COX10: variants seen among roughly 807,000 people sequenced by gnomAD.
COX10 encodes the protein protoheme IX farnesyltransferase, mitochondrial.
COX10 carries 27 observed loss-of-function variants against 37.3 expected under a neutral mutation model. The ratio of observed to expected loss-of-function variants is 0.72; its 90% CI spans 0.53 to 1.00. The LOEUF (loss-of-function observed/expected upper bound fraction) is 1.00. COX10 is among the 50% of genes least tolerant of loss of function. The probability of loss-of-function intolerance (pLI) is 0.00; values close to 1 mark genes in which losing one functional copy is unlikely to be tolerated. For synonymous variants in COX10, 222 were observed against 229.1 expected (o/e 0.97, Z 0.28); for missense variants, 475 against 563.2 (o/e 0.84, Z 1.59).
chr17:14,127,936 TG>T (rs1383150888), intron 4 of COX10, among the ~76,000 whole-genome samples: 6 of 144,376 alleles, frequency 4.2e-5, no homozygotes, highest in African/African-American at 1.7e-4. Context: ...TATGTGTGTG[TG>T]TGTGTGTGTG....
At chr17:14,203,666 C>T (rs76683048) in intron 6 of COX10, among the ~76,000 whole-genome samples, 1 of 152,310 alleles carries the variant, frequency 6.6e-6, no homozygotes, top group African/African-American at 2.4e-5. Flanking sequence ...TGCTCACTGT[C>T]ATTTGCACAA....
At chr17:14,181,077 G>A (rs1211081707) in intron 5 of COX10, among the ~76,000 whole-genome samples, 2 of 152,014 alleles carry the variant, frequency 1.3e-5, no homozygotes, top group Non-Finnish European at 2.9e-5. Context: ...CCATGTGGAG[G>A]GGCTCAGGAA....
intron 4 of COX10, among the ~76,000 whole-genome samples, chr17:14,147,794 A>T (rs1298389843): frequency 7.9e-6 from 1 of 125,926 alleles, no homozygotes; most frequent in Non-Finnish European, 1.7e-5. Flanking sequence ...AATTTAAAAA[A>T]AATTTTTAAG....
chr17:14,139,795 T>A (rs1303780783), intron 4 of COX10, among the ~76,000 whole-genome samples: 17 of 152,168 alleles, frequency 1.1e-4, no homozygotes, highest in Non-Finnish European at 5.9e-5. Context: ...CCTGTCTTGC[T>A]GTACTAGATG....
At chr17:14,165,384 A>G (rs80183408) in intron 5 of COX10, among the ~76,000 whole-genome samples, 3,690 of 152,094 alleles carry the variant, frequency 0.024, 123 homozygotes, top group African/African-American at 0.075. Context: ...AAGCTTTTTT[A>G]TTATTATATC....
intron 5 of COX10, among the ~76,000 whole-genome samples, chr17:14,183,839 G>T (rs1432133930): frequency 1.3e-5 from 2 of 152,054 alleles, no homozygotes; most frequent in Non-Finnish European, 2.9e-5. Context: ...GAGAGTTCAC[G>T]GTAGTTACAT....
intron 4 of COX10, among the ~76,000 whole-genome samples, chr17:14,145,685 G>A (rs1362148550): frequency 6.6e-6 from 1 of 152,114 alleles, no homozygotes; most frequent in East Asian, 1.9e-4. Context: ...AGGGTTTTAT[G>A]CTAGAAAGTA....
chr17:14,121,519 C>T (rs1916229088), intron 4 of COX10, among the ~76,000 whole-genome samples: 2 of 152,070 alleles, frequency 1.3e-5, no homozygotes, highest in African/African-American at 2.4e-5. Context: ...AGAGGTGAGC[C>T]CTGGCTGTCA....
At chr17:14,186,601 C>A (rs1212657945) in intron 5 of COX10, among the ~76,000 whole-genome samples, 1 of 151,830 alleles carries the variant, frequency 6.6e-6, no homozygotes, top group Admixed American at 6.6e-5. Context: ...ATCAGTGCCC[C>A]CAGGACAAGG....
At chr17:14,153,731 G>A (rs1376609041) in intron 4 of COX10, among the ~76,000 whole-genome samples, 1 of 152,190 alleles carries the variant, frequency 6.6e-6, no homozygotes, top group Non-Finnish European at 1.5e-5. Context: ...TCAACTATAT[G>A]ATATATGTGT....
At chr17:14,183,474 C>G (rs957064719) in intron 5 of COX10, among the ~76,000 whole-genome samples, 6 of 152,162 alleles carry the variant, frequency 3.9e-5, no homozygotes, top group Non-Finnish European at 7.4e-5. Flanking sequence ...GCAAGAATCA[C>G]TCACAGAGAT....
intron 4 of COX10, among the ~76,000 whole-genome samples, chr17:14,129,919 G>A (rs182346967): frequency 2.6e-4 from 40 of 152,138 alleles, no homozygotes; most frequent in Admixed American, 1.6e-3. Flanking sequence ...GAAACTCTAC[G>A]GTCACAATAC....
chr17:14,169,902 C>G (rs1905407900), intron 5 of COX10, among the ~76,000 whole-genome samples: 1 of 152,102 alleles, frequency 6.6e-6, no homozygotes, highest in African/African-American at 2.4e-5. Context: ...TCATGAATGG[C>G]TTGGTGCTGT....
chr17:14,151,903 T>G (rs1445069510), intron 4 of COX10, among the ~76,000 whole-genome samples: 1 of 152,216 alleles, frequency 6.6e-6, no homozygotes, highest in Non-Finnish European at 1.5e-5. Context: ...TTTAGTGCAG[T>G]CTGCAGGTAT....
At chr17:14,165,350 C>G (rs373693091) in intron 5 of COX10, among the ~76,000 whole-genome samples, 3 of 152,114 alleles carry the variant, frequency 2.0e-5, no homozygotes, top group Admixed American at 6.5e-5. Context: ...CTGTGTCACA[C>G]TTTGATAATT....
intron 6 of COX10, among the ~76,000 whole-genome samples, chr17:14,205,897 T>C (rs779003907): frequency 3.6e-4 from 55 of 152,008 alleles, no homozygotes; most frequent in Non-Finnish European, 6.2e-4. Flanking sequence ...ATTCCACCCA[T>C]GTGGGTGCTG....
At chr17:14,072,271 A>C (rs1000549801) in intron 1 of COX10, among the ~76,000 whole-genome samples, 3 of 152,102 alleles carry the variant, frequency 2.0e-5, no homozygotes, top group African/African-American at 7.2e-5. Context: ...TCCAGGCTGG[A>C]GTGCAATGGC....
At chr17:14,088,441 GAAA>G (rs34991846) in intron 3 of COX10, among the ~76,000 whole-genome samples, 1 of 148,200 alleles carries the variant, frequency 6.7e-6, no homozygotes, top group East Asian at 2.0e-4. Context: ...AATTTAGACA[GAAA>G]AAAAAAAATT....
chr17:14,119,468 C>T (rs1597508114), intron 4 of COX10, among the ~76,000 whole-genome samples: 1 of 152,130 alleles, frequency 6.6e-6, no homozygotes, highest in Middle Eastern at 3.4e-3. Flanking sequence ...TCTCAGTGGA[C>T]CTATTGCCTA....
Sources: allele counts gnomAD v4.1 joint callset (sites outside exome capture counted in the v4.1 genomes callset), GRCh38; gene constraint gnomAD v4.1.1; transcripts MANE v1.5; gene names NCBI Gene and HGNC (gene_info 2026-07-23, HGNC 2026-07-21).